The following GYS2 variants were observed in gnomAD, a reference collection of about 807,000 sequenced individuals.
The protein encoded by GYS2 is glycogen [starch] synthase, liver.
GYS2 carries 80 observed loss-of-function variants against 85.6 expected under a neutral mutation model. That is an observed-to-expected ratio of 0.93 (90% CI 0.78 to 1.13). The LOEUF is 1.13. GYS2 is among the 50% of genes most tolerant of loss of function. The pLI is 0.00. For missense variants in GYS2, 881 were observed against 854.9 expected, an observed-to-expected ratio of 1.03 and a Z score of -0.38; for synonymous variants, 328 against 300.7, an observed-to-expected ratio of 1.09 and a Z score of -0.94.
chr12:21,568,589 G>A (rs549605490), intron 5 of GYS2, among the ~76,000 whole-genome samples: 32 of 152,128 alleles, frequency 2.1e-4, no homozygotes, highest in Non-Finnish European at 3.5e-4. Context: ...TACACATACC[G>A]ACTCATTATG....
chr12:21,580,515 T>C lies in GYS2; in HGVS notation c.130A>G (p.Ile44Val), dbSNP rs2136913531. Reference sequence around the variant, plus strand: ...GCCTTTGTCTGAATCACAGTATAGATGCCTCCAACTGTTAAAAGGAAAAAA... The same window carrying C: ...GCCTTTGTCTGAATCACAGTATAGACGCCTCCAACTGTTAAAAGGAAAAAA... ...AWEVTNKVGG[I>V]YTVIQTKAKT... Residue 44 changes from isoleucine to valine, a missense_variant, in exon 2 of 16, where the codon ATC (isoleucine) becomes GTC (valine). By Grantham distance (29) the Ile-to-Val change is conservative (BLOSUM62 3). Transcript: ENST00000261195. 3 of 1,612,230 alleles carry C rather than the reference T, an allele frequency of 1.9e-6. 1 individual carries two copies.
chr12:21,539,908 A>G (rs1943952394), intron 14 of GYS2, among the ~76,000 whole-genome samples: 1 of 152,236 alleles, frequency 6.6e-6, no homozygotes, highest in South Asian at 2.1e-4. Flanking sequence ...AAGTCAATTC[A>G]TTTATTATTA....
At chr12:21,581,050 C>T (rs141963537) in intron 1 of GYS2, among the ~76,000 whole-genome samples, 118 of 152,240 alleles carry the variant, frequency 7.8e-4, no homozygotes, top group African/African-American at 2.8e-3. Flanking sequence ...TTTAAAGCAC[C>T]AAGCAAAGTA....
chr12:21,599,070 GCTCTCT>G (rs112659560), intron 1 of GYS2, among the ~76,000 whole-genome samples: 3 of 149,270 alleles, frequency 2.0e-5, no homozygotes, highest in African/African-American at 7.4e-5. Flanking sequence ...CCTCTCTCTC[GCTCTCT>G]CTCTCTCTCT....
chr12:21,588,639 T>C (rs1455245754), intron 1 of GYS2, among the ~76,000 whole-genome samples: 1 of 152,202 alleles, frequency 6.6e-6, no homozygotes, highest in Non-Finnish European at 1.5e-5. Context: ...AAGGACACTG[T>C]CAAATCACAG....
intron 12 of GYS2, among the ~76,000 whole-genome samples, chr12:21,544,159 C>G (rs373196540): frequency 5.9e-5 from 9 of 152,136 alleles, no homozygotes; most frequent in African/African-American, 1.9e-4. Flanking sequence ...AGCAAGTTAT[C>G]TAATATGCTA....
intron 1 of GYS2, among the ~76,000 whole-genome samples, chr12:21,600,349 A>G (rs777634715): frequency 1.4e-4 from 22 of 152,084 alleles, no homozygotes; most frequent in Non-Finnish European, 2.9e-4. Flanking sequence ...GCTGGTATCC[A>G]ACTCTTGGTC....
chr12:21,555,990 C>T (rs1944174496), intron 11 of GYS2, among the ~76,000 whole-genome samples: 1 of 152,146 alleles, frequency 6.6e-6, no homozygotes, highest in African/African-American at 2.4e-5. Flanking sequence ...GCTTGTGTTA[C>T]TTAATGCTGT....
At chr12:21,589,596 A>C (rs1323693624) in intron 1 of GYS2, among the ~76,000 whole-genome samples, 2 of 152,106 alleles carry the variant, frequency 1.3e-5, no homozygotes, top group African/African-American at 4.8e-5. Flanking sequence ...AAGGGGAGGG[A>C]AGCAAGGAAG....
intron 11 of GYS2, among the ~76,000 whole-genome samples, 156 bp from the exon 12 acceptor site, chr12:21,546,626 G>T (rs993780816): frequency 2.0e-5 from 3 of 152,106 alleles, no homozygotes; most frequent in African/African-American, 7.2e-5. Context: ...AAAGAAAAAA[G>T]CCGTGGTGGT....
At chr12:21,556,128 T>G (rs1238439491) in intron 11 of GYS2, among the ~76,000 whole-genome samples, 1 of 152,200 alleles carries the variant, frequency 6.6e-6, no homozygotes, top group Non-Finnish European at 1.5e-5. Context: ...TCTTGAAGTT[T>G]CCTTGGATTG....
chr12:21,580,680 G>T (rs531508591), intron 1 of GYS2, among the ~76,000 whole-genome samples, 157 bp from the exon 2 acceptor site: 1 of 152,188 alleles, frequency 6.6e-6, no homozygotes, highest in Admixed American at 6.5e-5. Context: ...TTGACATATT[G>T]TTAAGGGACA....
chr12:21,601,946 C>T (rs919397776), intron 1 of GYS2, among the ~76,000 whole-genome samples: 1 of 152,216 alleles, frequency 6.6e-6, no homozygotes, highest in East Asian at 1.9e-4. Flanking sequence ...GTACCCAAAA[C>T]TAACTGTGAC....
intron 8 of GYS2, 140 bp downstream of exon 8, chr12:21,560,246 T>A (rs907703412): frequency 1.5e-5 from 10 of 668,090 alleles, no homozygotes; most frequent in Non-Finnish European, 2.7e-5. Flanking sequence ...AGTAGCACGA[T>A]GAAAAGAGAG....
chr12:21,578,083 C>A (rs1261572739), intron 2 of GYS2, among the ~76,000 whole-genome samples: 1 of 152,160 alleles, frequency 6.6e-6, no homozygotes, highest in African/African-American at 2.4e-5. Context: ...GATTTCTTCT[C>A]TAAAATATTC....
chr12:21,552,268 G>A (rs182513135), intron 11 of GYS2, among the ~76,000 whole-genome samples: 40 of 152,288 alleles, frequency 2.6e-4, no homozygotes, highest in South Asian at 1.0e-3. Context: ...TTTTTACACC[G>A]TGGCAGCCCA....
chr12:21,556,878 T>G (rs1712717072), intron 11 of GYS2, among the ~76,000 whole-genome samples: 1 of 151,996 alleles, frequency 6.6e-6, no homozygotes, highest in Non-Finnish European at 1.5e-5. Context: ...GCCAAATTTA[T>G]TTGTTTGATT....
chr12:21,575,274 A>C (rs1944431916), intron 3 of GYS2, among the ~76,000 whole-genome samples: 1 of 152,190 alleles, frequency 6.6e-6, no homozygotes, highest in Non-Finnish European at 1.5e-5. Context: ...CCCAGGGTCT[A>C]GTTCCAAATC....
chr12:21,597,450 A>T (rs190728307), intron 1 of GYS2, among the ~76,000 whole-genome samples: 30 of 152,254 alleles, frequency 2.0e-4, no homozygotes, highest in Admixed American at 3.9e-4. Flanking sequence ...ATTGCTCAAC[A>T]TTACTAATCA....
Sources: gnomAD v4.1 joint callset for allele counts (sites outside exome capture counted in the v4.1 genomes callset) on GRCh38, gnomAD v4.1.1 for gene constraint, MANE v1.5 for transcripts, NCBI Gene and HGNC (gene_info 2026-07-23, HGNC 2026-07-21) for gene names.